The following NPLOC4 variants were observed in gnomAD, a reference collection of about 807,000 sequenced individuals.
NPLOC4 encodes the protein nuclear protein localization protein 4 homolog.
Under a neutral mutation model 80.6 loss-of-function variants are expected in NPLOC4, and 18 were observed. The observed-to-expected ratio is 0.22, with a 90% CI of 0.15 to 0.33. The LOEUF (loss-of-function observed/expected upper bound fraction) is 0.33. Among genes scored for constraint, NPLOC4 ranks in the 10% least tolerant of loss-of-function variants. The pLI is 1.00. For synonymous variants in NPLOC4, 313 were observed against 301.5 expected (o/e 1.04, Z -0.39); for missense variants, 540 against 786.1 (o/e 0.69, Z 3.74).
chr17:81,580,155 G>A lies in NPLOC4; in HGVS notation c.1282-8067C>T, dbSNP rs902264862. Among the ~76,000 whole-genome samples the A allele has an allele frequency of 3.3e-5, 5 of 152,142 alleles. No homozygotes were observed. The highest frequency in any genetic ancestry group is 3.4e-3 in the Middle Eastern group (1 of 294). On this transcript the variant is annotated intron_variant, in intron 12 of 16. Transcript: ENST00000331134. The surrounding 1 kb of genome is among the most constrained non-coding windows in gnomAD (Gnocchi z 4.4). ...CCATCCCCTCCAGGATGGACAACTC[G>A]GCCTCTCACCAGGCCTCAAGCACCA... is the stretch of plus-strand genomic sequence containing the variant.
intron 2 of NPLOC4, among the ~76,000 whole-genome samples, chr17:81,628,303 G>A (rs1277066416): frequency 2.0e-5 from 3 of 150,596 alleles, no homozygotes; most frequent in Admixed American, 6.6e-5. Flanking sequence ...TCACGAGGTC[G>A]GGAGTTCAAG....
chr17:81,631,375 T>A (rs1193213482), intron 1 of NPLOC4, among the ~76,000 whole-genome samples: 1 of 147,772 alleles, frequency 6.8e-6, no homozygotes, highest in African/African-American at 2.5e-5. Context: ...CGAGACCCCA[T>A]CCTAATTTAA....
intron 12 of NPLOC4, among the ~76,000 whole-genome samples, chr17:81,582,713 C>G (rs9899778): frequency 0.024 from 3,643 of 152,282 alleles, 169 homozygotes; most frequent in African/African-American, 0.083. Context: ...TATTAGTATT[C>G]TTTTTAAAGG....
intron 3 of NPLOC4, 65 bp from the exon 4 acceptor site, chr17:81,613,559 T>C: frequency 6.6e-7 from 1 of 1,504,040 alleles, no homozygotes; most frequent in Non-Finnish European, 9.0e-7. Flanking sequence ...GAAGCCCAAC[T>C]TGGATATCTG....
intron 3 of NPLOC4, among the ~76,000 whole-genome samples, chr17:81,617,831 GTATT>G (rs1414877548): frequency 2.6e-5 from 4 of 152,186 alleles, no homozygotes; most frequent in Non-Finnish European, 4.4e-5. Flanking sequence ...ACTGGTTTTC[GTATT>G]TTTTTGGTGG....
chr17:81,618,620 G>T (rs2035576938), intron 3 of NPLOC4, among the ~76,000 whole-genome samples: 1 of 149,080 alleles, frequency 6.7e-6, no homozygotes, highest in African/African-American at 2.5e-5. Flanking sequence ...CGCCCGTCTG[G>T]GAGGTGAGGG....
At chr17:81,627,195 C>T (rs1018679257) in intron 2 of NPLOC4, among the ~76,000 whole-genome samples, 2 of 150,892 alleles carry the variant, frequency 1.3e-5, no homozygotes, top group African/African-American at 4.9e-5. Context: ...TCGAGACCAT[C>T]CTCACTAACA....
chr17:81,564,083 AACACACACACAC>A (rs58774657), intron 16 of NPLOC4: 89 of 274,914 alleles, frequency 3.2e-4, no homozygotes, highest in Non-Finnish European at 5.4e-4. Flanking sequence ...TCCAGCTCAA[AACACACACACAC>A]ACACACACAC....
At chr17:81,575,132 C>G (rs1275330243) in intron 12 of NPLOC4, among the ~76,000 whole-genome samples, 1 of 152,164 alleles carries the variant, frequency 6.6e-6, no homozygotes, top group East Asian at 1.9e-4. Flanking sequence ...GGGAGTCTCG[C>G]TCTGTCGCCC....
chr17:81,592,714 T>G lies in NPLOC4; in HGVS notation c.1120+3402A>C, dbSNP rs2034782597. Among the ~76,000 whole-genome samples, 3 of 152,220 alleles carry G rather than the reference T, an allele frequency of 2.0e-5. No homozygotes were observed. The South Asian group carries it at 6.2e-4, about 31-fold the overall frequency. ...GACACAGTAATTAGACTGGGCACAGTGGCTCACACCTGTAATCCCAGGACT... is the reference window on the plus strand; with the variant it reads ...GACACAGTAATTAGACTGGGCACAGGGGCTCACACCTGTAATCCCAGGACT... On this transcript the variant is annotated intron_variant, in intron 11 of 16. Coordinates refer to ENST00000331134, the MANE Select transcript of NPLOC4 (RefSeq NM_017921.4).
intron 3 of NPLOC4, among the ~76,000 whole-genome samples, chr17:81,616,562 C>G (rs1041448994): frequency 6.6e-6 from 1 of 151,598 alleles, no homozygotes; most frequent in Non-Finnish European, 1.5e-5. Flanking sequence ...AACCCCGTCT[C>G]TACTAAAAAT....
Position 81,559,035 on chromosome 17 carries a change from G to C in NPLOC4, c.*224C>G. On this transcript the variant is annotated 3_prime_UTR_variant, in exon 17 of 17. Transcript: ENST00000331134. ...CGTGAGGAGCCGCTCTGCGTTTCCAGTCTGGAGACTGCATTCAGCCTGCAG... is the reference window on the plus strand; with the variant it reads ...CGTGAGGAGCCGCTCTGCGTTTCCACTCTGGAGACTGCATTCAGCCTGCAG... 1.8e-6 allele frequency: 1 copy of C among 556,064 alleles called. No individual in the cohort carries two copies. The highest frequency in any genetic ancestry group is 3.2e-6 in the Non-Finnish European group (1 of 314,410). The allele number at this position is 556,064 out of a possible 1,614,324, so 34.4% of individuals were successfully genotyped here. A position where few individuals can be genotyped will look rare whatever the true frequency, so the allele number is the denominator to read the frequency against.
In NPLOC4 at chr17:81,577,228, G is replaced by A. The variant is rs774023855; in HGVS notation, c.1282-5140C>T. 6.6e-6 allele frequency among the ~76,000 whole-genome samples: 1 copy of A among 151,778 alleles called. No individual in the cohort carries two copies. Among genetic ancestry groups the A allele is most frequent in the African/African-American group, 2.4e-5 (1 of 41,262 alleles). On this transcript the variant is annotated intron_variant, in intron 12 of 16. Transcript: ENST00000331134. The surrounding 1 kb of genome is among the most constrained non-coding windows in gnomAD (Gnocchi z 4.3). The stretch of plus-strand genomic sequence containing the variant: ...TCAGCTCCCCACGGCGCTCTGACCC[G>A]CCCCACCCCATCACTGTGTAGTCCT...
chr17:81,616,473 G>A (rs2035492655), intron 3 of NPLOC4, among the ~76,000 whole-genome samples: 1 of 152,056 alleles, frequency 6.6e-6, no homozygotes, highest in Non-Finnish European at 1.5e-5. Flanking sequence ...GCTCACACCT[G>A]TAATCCCAGC....
intron 3 of NPLOC4, among the ~76,000 whole-genome samples, chr17:81,618,344 C>T (rs1257248460): frequency 6.6e-6 from 1 of 151,282 alleles, no homozygotes; most frequent in East Asian, 2.0e-4. Flanking sequence ...CTCTGCCTGG[C>T]CGCGACCCCG....
intron 11 of NPLOC4, among the ~76,000 whole-genome samples, chr17:81,592,446 C>T (rs1489340007): frequency 6.6e-6 from 1 of 152,172 alleles, no homozygotes; most frequent in African/African-American, 2.4e-5. Flanking sequence ...GGGTGATTCA[C>T]ACAGACACAA....
chr17:81,595,044 C>A (rs2034862949), intron 11 of NPLOC4, among the ~76,000 whole-genome samples: 1 of 151,596 alleles, frequency 6.6e-6, no homozygotes, highest in Non-Finnish European at 1.5e-5. Context: ...ACTTTTCTTT[C>A]TTTTTTTCCA....
intron 7 of NPLOC4, 103 bp from the exon 8 acceptor site, chr17:81,604,830 T>A: frequency 9.1e-7 from 1 of 1,093,676 alleles, no homozygotes; most frequent in Non-Finnish European, 1.3e-6. Flanking sequence ...CCTAGTTCTT[T>A]AAAAAACAAA....
intron 12 of NPLOC4, among the ~76,000 whole-genome samples, chr17:81,578,809 A>G (rs958634750): frequency 6.6e-6 from 1 of 152,232 alleles, no homozygotes; most frequent in Non-Finnish European, 1.5e-5. Flanking sequence ...GTGTGGACAC[A>G]AAGCCTATCC....
Sources: gnomAD v4.1 joint callset for allele counts (sites outside exome capture counted in the v4.1 genomes callset) on GRCh38, gnomAD v4.1.1 for gene constraint, Gnocchi (gnomAD v3.1) non-coding constraint, MANE v1.5 for transcripts, NCBI Gene and HGNC (gene_info 2026-07-23, HGNC 2026-07-21) for gene names.